AGPAT3: variants seen among roughly 807,000 people sequenced by gnomAD.
AGPAT3 encodes 1-acyl-sn-glycerol-3-phosphate acyltransferase gamma.
AGPAT3 carries 5 observed loss-of-function variants against 47.3 expected under a neutral mutation model. That is an observed-to-expected ratio of 0.11 (90% CI 0.06 to 0.22). AGPAT3 has a LOEUF of 0.22. Among genes scored for constraint, AGPAT3 ranks in the 10% least tolerant of loss-of-function variants. The probability of loss-of-function intolerance (pLI) is 1.00; values close to 1 mark genes in which losing one functional copy is unlikely to be tolerated. For missense variants in AGPAT3, 315 were observed against 493.0 expected (o/e 0.64, Z 3.42); for synonymous variants, 212 against 208.3 (o/e 1.02, Z -0.15).
At chr21:43,973,701 G>A (rs907600257) in intron 7 of AGPAT3, among the ~76,000 whole-genome samples, 11 of 152,252 alleles carry the variant, frequency 7.2e-5, no homozygotes, top group African/African-American at 2.7e-4. Context: ...TTGAGGAGCA[G>A]CAGTGTCCCC....
intron 2 of AGPAT3, among the ~76,000 whole-genome samples, chr21:43,910,369 C>T (rs923965759): frequency 6.6e-6 from 1 of 152,182 alleles, no homozygotes; most frequent in African/African-American, 2.4e-5. Context: ...TTGCCAGCAG[C>T]AGTCTAGGGT....
chr21:43,971,456 T>C lies in AGPAT3; in HGVS notation c.733T>C (p.Tyr245His). 6.2e-7 allele frequency: 1 copy of C among 1,614,188 alleles called. No individual in the cohort carries two copies. Among genetic ancestry groups the C allele is most frequent in the Non-Finnish European group, 8.5e-7 (1 of 1,180,032 alleles). Reference protein sequence around the residue: ...NKNPSLLGILYGKKYEADMCV... With the variant: ...NKNPSLLGILHGKKYEADMCV... ...GAACCCGTCCCTGCTGGGGATCCTC[T>C]ACGGGAAGAAGTACGAGGCGGACAT... The change falls in exon 7 of 10, where the codon TAC (tyrosine) becomes CAC (histidine). Residue 245 changes from tyrosine (Y) to histidine (H), a missense_variant. Tyr to His is a moderately conservative substitution (Grantham distance 83). Coordinates refer to ENST00000291572, the MANE Select transcript of AGPAT3 (RefSeq NM_020132.5).
intron 1 of AGPAT3, among the ~76,000 whole-genome samples, chr21:43,901,819 C>G (rs1394451293): frequency 1.3e-5 from 2 of 152,016 alleles, no homozygotes; most frequent in Admixed American, 6.6e-5. Context: ...GAAAAATATG[C>G]TGAATGGGAT....
chr21:43,889,143 A>T (rs1022263392), intron 1 of AGPAT3, among the ~76,000 whole-genome samples: 3 of 151,956 alleles, frequency 2.0e-5, no homozygotes, highest in Non-Finnish European at 4.4e-5. Context: ...CAGTCCTTAG[A>T]TTTCTATTGA....
intron 1 of AGPAT3, among the ~76,000 whole-genome samples, chr21:43,879,086 A>G (rs936123312): frequency 1.3e-5 from 2 of 152,110 alleles, no homozygotes; most frequent in Non-Finnish European, 2.9e-5. Flanking sequence ...GCAGTGTCTC[A>G]TGCCTGTAAT....
At chr21:43,897,096 A>T (rs1017498481) in intron 1 of AGPAT3, among the ~76,000 whole-genome samples, 12 of 151,570 alleles carry the variant, frequency 7.9e-5, no homozygotes, top group African/African-American at 2.7e-4. Flanking sequence ...TAGGCAGAGG[A>T]CCCTGCGGCC....
At chr21:43,890,028 G>A (rs2086066898) in intron 1 of AGPAT3, among the ~76,000 whole-genome samples, 1 of 151,948 alleles carries the variant, frequency 6.6e-6, no homozygotes, top group Non-Finnish European at 1.5e-5. Flanking sequence ...TGACATTTTG[G>A]ATCTGTGTCC....
At chr21:43,868,232 G>C (rs1380578390) in intron 1 of AGPAT3, among the ~76,000 whole-genome samples, 3 of 152,250 alleles carry the variant, frequency 2.0e-5, no homozygotes, top group Admixed American at 6.5e-5. Flanking sequence ...CTGGCTATTA[G>C]GGTGCATGGA....
At chr21:43,975,608 G>A (rs879085506) in intron 7 of AGPAT3, among the ~76,000 whole-genome samples, 2 of 152,236 alleles carry the variant, frequency 1.3e-5, no homozygotes, top group African/African-American at 2.4e-5. Context: ...CATGGGCCCC[G>A]CAGCTCAAGC....
At chr21:43,887,786 C>T (rs1318925125) in intron 1 of AGPAT3, among the ~76,000 whole-genome samples, 1 of 152,194 alleles carries the variant, frequency 6.6e-6, no homozygotes, top group African/African-American at 2.4e-5. Context: ...TCCCAAGTAG[C>T]TGGGACTATA....
In AGPAT3 at chr21:43,970,679, C is replaced by A; in HGVS notation, c.537C>A (p.Arg179=). The A allele has an allele frequency of 6.2e-7, 1 of 1,613,924 alleles. No homozygotes were observed. Among genetic ancestry groups the A allele is most frequent in the Non-Finnish European group, 8.5e-7 (1 of 1,179,896 alleles). The change falls in exon 6 of 10, where the codon CGC becomes CGA. Residue 179 remains arginine (R), a synonymous_variant. Transcript: ENST00000291572. This position sits in a 1 kb window ranked among gnomAD's most constrained non-coding sequence, Gnocchi z 5.8. ...TTCTCCTGTACTGCGAGGGGACGCGCTTCACGGAGACCAAGCACCGCGTTA... is the reference window on the plus strand; with the variant it reads ...TTCTCCTGTACTGCGAGGGGACGCGATTCACGGAGACCAAGCACCGCGTTA... ...MWFLLYCEGT[R]FTETKHRVSM...
chr21:43,931,692 G>T (rs1198054361), intron 2 of AGPAT3, among the ~76,000 whole-genome samples: 1 of 152,126 alleles, frequency 6.6e-6, no homozygotes, highest in African/African-American at 2.4e-5. Context: ...CCAGCCACCG[G>T]CACTGTCGTC....
rs530622204 is a variant in AGPAT3, at chr21:43,958,356, T to A, written c.-48-1278T>A. On this transcript the variant is annotated intron_variant, in intron 2 of 9. Coordinates refer to ENST00000291572, the MANE Select transcript of AGPAT3 (RefSeq NM_020132.5). ...TGCAGTGTGTGGTGTGTGGTACAAT[T>A]GTGTGTGTGTGGTGTAGAGTATGGG... Among the ~76,000 whole-genome samples, 550 of 151,638 alleles carry A rather than the reference T, an allele frequency of 3.6e-3. 4 individuals carry two copies. The highest frequency in any genetic ancestry group is 0.012 in the African/African-American group (503 of 41,350).
chr21:43,935,338 C>G (rs2087405929), intron 2 of AGPAT3, among the ~76,000 whole-genome samples: 1 of 152,260 alleles, frequency 6.6e-6, no homozygotes, highest in South Asian at 2.1e-4. Flanking sequence ...TAGCAGCACC[C>G]AGATCCCGCC....
chr21:43,918,155 T>C, intron 2 of AGPAT3, among the ~76,000 whole-genome samples: 2 of 146,172 alleles, frequency 1.4e-5, no homozygotes, highest in South Asian at 4.4e-4. Flanking sequence ...GTTGTGGGTG[T>C]TGTGGGAGTT....
rs1197957853 is a variant in AGPAT3 at position 43,981,328 on chromosome 21, C to G, written c.1042+141C>G. ...ATGGACCCTGGAGCCAGGATCCCCC[C>G]ACGGCCTGCGGGCCTCAGAGCCTGG... On this transcript the variant is annotated intron_variant, in intron 9 of 9. Transcript: ENST00000291572. The surrounding 1 kb of genome is among the most constrained non-coding windows in gnomAD (Gnocchi z 5.3). 3.2e-6 allele frequency: 3 copies of G among 944,738 alleles called. No homozygotes were observed. The highest frequency in any genetic ancestry group is 1.6e-5 in the African/African-American group (1 of 61,764). The allele number at this position is 944,738 out of a possible 1,614,324, so 58.5% of individuals were successfully genotyped here. A position where few individuals can be genotyped will look rare whatever the true frequency, so the allele number is the denominator to read the frequency against.
rs531428120 is a variant in AGPAT3, at chr21:43,870,744, T to G, written c.-112+5399T>G. Among the ~76,000 whole-genome samples, 15 of 152,200 alleles carry G rather than the reference T, an allele frequency of 9.9e-5. 1 individual carries two copies. Among genetic ancestry groups the G allele is most frequent in the African/African-American group, 3.6e-4 (15 of 41,532 alleles). ...CTCAATAAATAAACAAATAAATAAA[T>G]GTTAGTGAATTATTCAGTATATAAT... On this transcript the variant is annotated intron_variant, in intron 1 of 9. Coordinates refer to ENST00000291572, the MANE Select transcript of AGPAT3 (RefSeq NM_020132.5).
rs1461157208 is a variant in AGPAT3, at chr21:43,986,345, C to G, written c.*3953C>G. The G allele has an allele frequency of 6.6e-6, 1 of 152,412 alleles. No homozygotes were observed. Among genetic ancestry groups the G allele is most frequent in the Admixed American group, 6.5e-5 (1 of 15,276 alleles). 9.4% of individuals were successfully genotyped at this position (152,412 alleles called of 1,614,324 possible). On this transcript the variant is annotated 3_prime_UTR_variant, in exon 10 of 10. Coordinates refer to ENST00000291572, the MANE Select transcript of AGPAT3 (RefSeq NM_020132.5). ...TTGGTGTCGCCGGCCCAGGCAACAG[C>G]AGCGTACGCTTTTCAAAGATCATTG...
chr21:43,911,626 C>G (rs2086635395), intron 2 of AGPAT3, among the ~76,000 whole-genome samples: 1 of 152,244 alleles, frequency 6.6e-6, no homozygotes, highest in South Asian at 2.1e-4. Flanking sequence ...GCCCTAGGTG[C>G]TCCGTGGCCT....
Sources: gnomAD v4.1 joint callset for allele counts (sites outside exome capture counted in the v4.1 genomes callset) on GRCh38, gnomAD v4.1.1 for gene constraint, Gnocchi (gnomAD v3.1) non-coding constraint, MANE v1.5 for transcripts, NCBI Gene and HGNC (gene_info 2026-07-23, HGNC 2026-07-21) for gene names.